Variants in ZNF519 observed in about 807,000 individuals in gnomAD.
ZNF519 encodes similar to Zinc finger protein 85 (Zinc finger protein HPF4) (HTF1).
ZNF519 carries 7 observed loss-of-function variants against 7.4 expected under a neutral mutation model. The observed-to-expected ratio is 0.94, with a 90% confidence interval of 0.54 to 1.77. ZNF519 has a LOEUF of 1.77. Ranked by LOEUF, ZNF519 falls within the 40% of genes most tolerant of loss-of-function variation. The pLI, the probability that ZNF519 is intolerant of heterozygous loss-of-function variation, is 0.00. For synonymous variants in ZNF519, 179 were observed against 203.3 expected (o/e 0.88, Z 1.02); for missense variants, 586 against 623.1 (o/e 0.94, Z 0.63).
At chr18:14,093,420 A>G (rs1381854663) in intron 2 of ZNF519, among the ~76,000 whole-genome samples, 1 of 152,214 alleles carries the variant, frequency 6.6e-6, no homozygotes, top group Non-Finnish European at 1.5e-5. Flanking sequence ...CTTACTACTT[A>G]ACCAGTGCCT....
intron 2 of ZNF519, among the ~76,000 whole-genome samples, chr18:14,119,251 A>G (rs1277010810): frequency 6.6e-6 from 1 of 152,202 alleles, no homozygotes; most frequent in Non-Finnish European, 1.5e-5. Context: ...GGAACCCAAC[A>G]AAAGGAGATC....
Position 14,087,732 on chromosome 18 carries a change from A to T in ZNF519, c.131-2656T>A, listed in dbSNP as rs544897536. ...TTAAATCGTATCATTTATGTACATC[A>T]CTTACTGATGTGCTTACATTTGAAA... On this transcript the variant is annotated intron_variant and NMD_transcript_variant, in intron 2 of 4. Transcript: ENST00000587419. 6.6e-5 allele frequency among the ~76,000 whole-genome samples: 10 copies of T among 152,330 alleles called. No homozygotes were observed. In the South Asian group the frequency reaches 1.0e-3, roughly 16 times the overall value.
At chr18:14,079,261 CAGA>C (rs2143076324) in intron 3 of ZNF519, among the ~76,000 whole-genome samples, 1 of 152,274 alleles carries the variant, frequency 6.6e-6, no homozygotes, top group Non-Finnish European at 1.5e-5. Flanking sequence ...TTGAAAAGAA[CAGA>C]AGAACTAAAC....
chr18:14,109,293 T>C (rs1216108973), intron 2 of ZNF519, among the ~76,000 whole-genome samples: 2 of 152,110 alleles, frequency 1.3e-5, no homozygotes, highest in East Asian at 1.9e-4. Flanking sequence ...ACTTTCAGCA[T>C]TGAATAAATC....
At chr18:14,088,755 ATTTC>A (rs1178340149) in intron 2 of ZNF519, among the ~76,000 whole-genome samples, 4 of 152,168 alleles carry the variant, frequency 2.6e-5, no homozygotes, top group African/African-American at 4.8e-5. Flanking sequence ...AATTACTTTA[ATTTC>A]TTTATTTTAA....
chr18:14,099,562 CCTGT>C (rs1427900071), downstream of ZNF519, among the ~76,000 whole-genome samples: 1 of 152,146 alleles, frequency 6.6e-6, no homozygotes, highest in Admixed American at 6.5e-5. Context: ...AAGTGCTCTT[CCTGT>C]CTAATAAGTG....
exon 5 of ZNF519, chr18:14,077,480 A>C (rs1178646247): frequency 6.6e-6 from 1 of 152,246 alleles, no homozygotes; most frequent in East Asian, 1.9e-4. Context: ...TATGGGTTCG[A>C]GATCTTGTGA....
At chr18:14,126,104 C>T (rs2046298109) in intron 1 of ZNF519, among the ~76,000 whole-genome samples, 3 of 152,124 alleles carry the variant, frequency 2.0e-5, no homozygotes, top group Admixed American at 6.5e-5. Context: ...GTAGTCACTC[C>T]AAACTCTGAT....
At chr18:14,130,386 T>C (rs2046323486) in intron 1 of ZNF519, among the ~76,000 whole-genome samples, 1 of 152,136 alleles carries the variant, frequency 6.6e-6, no homozygotes, top group African/African-American at 2.4e-5. Context: ...CTAATCTTAT[T>C]TGCTCTTTCC....
At chr18:14,071,813 A>C (rs1057435832), downstream of ZNF519, 1 of 152,194 alleles carries the variant, frequency 6.6e-6, no homozygotes, top group Non-Finnish European at 1.5e-5. Context: ...TACTAACTTT[A>C]TGGTGAAATC....
intron 3 of ZNF519, among the ~76,000 whole-genome samples, chr18:14,078,785 T>TAA (rs148481752): frequency 6.6e-6 from 1 of 151,920 alleles, no homozygotes; most frequent in Admixed American, 6.6e-5. Context: ...ATCAAATTAA[T>TAA]AAAAAAAATC....
Position 14,089,056 on chromosome 18 carries a change from C to T in ZNF519, c.131-3980G>A, listed in dbSNP as rs149415138. ...TTTCAAATAAAAGTTTTAATTTTTA[C>T]GAACATGAAAGAAGCAAAACTTACA... is the stretch of plus-strand genomic sequence containing the variant. On this transcript the variant is annotated intron_variant and NMD_transcript_variant, in intron 2 of 4. Coordinates refer to the ZNF519 transcript ENST00000587419. Among the ~76,000 whole-genome samples the T allele has an allele frequency of 1.4e-3, 219 of 151,870 alleles. 2 individuals carry two copies. Among genetic ancestry groups the T allele is most frequent in the African/African-American group, 4.9e-3 (203 of 41,392 alleles).
intron 2 of ZNF519, among the ~76,000 whole-genome samples, chr18:14,119,248 A>G (rs1048735775): frequency 6.6e-6 from 1 of 152,192 alleles, no homozygotes; most frequent in African/African-American, 2.4e-5. Context: ...CTGGGAACCC[A>G]ACAAAAGGAG....
chr18:14,082,887 T>C (rs1048300764), intron 3 of ZNF519: 8 of 152,092 alleles, frequency 5.3e-5, no homozygotes, highest in Non-Finnish European at 1.0e-4. Context: ...AGGGTCACAC[T>C]ATGTTGCCCA....
intron 3 of ZNF519, among the ~76,000 whole-genome samples, chr18:14,080,562 C>T (rs944503727): frequency 7.2e-5 from 11 of 152,016 alleles, no homozygotes; most frequent in African/African-American, 1.7e-4. Flanking sequence ...CCTCATGATG[C>T]GCCCGCCTTG....
downstream of ZNF519, among the ~76,000 whole-genome samples, chr18:14,095,355 T>C (rs943283860): frequency 3.3e-5 from 5 of 152,198 alleles, no homozygotes; most frequent in African/African-American, 1.2e-4. Flanking sequence ...GTGTTGTGCC[T>C]ACTTTTCTTT....
In ZNF519 at chr18:14,104,695, ATTAT is replaced by A. The variant is rs2046178687; in HGVS notation, c.*218_*221del. The A allele has an allele frequency of 2.2e-5, 9 of 413,560 alleles. No homozygotes were observed. The South Asian group carries it at 4.0e-4, about 18-fold the overall frequency. The allele number at this position is 413,560 out of a possible 1,614,324, so 25.6% of individuals were successfully genotyped here. ...AATTTAATTATCTAATTGAGTTTGAATTATTTGTTATAATAAACACACTGATTCA... is the reference window on the plus strand; with the variant it reads ...AATTTAATTATCTAATTGAGTTTGAATTGTTATAATAAACACACTGATTCA... On this transcript the variant is annotated 3_prime_UTR_variant, in exon 3 of 3. Transcript: ENST00000590202.
At chr18:14,082,737 C>T (rs1458170791) in intron 3 of ZNF519, 1 of 150,910 alleles carries the variant, frequency 6.6e-6, no homozygotes, top group Non-Finnish European at 1.5e-5. Flanking sequence ...CGATAATTAG[C>T]TCACTGAAGC....
chr18:14,101,544 A>G lies in ZNF519; in HGVS notation c.*3373T>C. ...AACAGACTCAGGGTCCCTTGGATTA[A>G]AACTGTGGGTCACTCAATAGGGAAA... On this transcript the variant is annotated 3_prime_UTR_variant, in exon 3 of 3. Transcript: ENST00000590202. The G allele has an allele frequency of 2.5e-6, 1 of 397,428 alleles. No homozygotes were observed. Among genetic ancestry groups the G allele is most frequent in the Non-Finnish European group, 4.4e-6 (1 of 225,750 alleles). The allele number at this position is 397,428 out of a possible 1,614,324, so 24.6% of individuals were successfully genotyped here. A position where few individuals can be genotyped will look rare whatever the true frequency, so the allele number is the denominator to read the frequency against.
Sources: allele counts gnomAD v4.1 joint callset (sites outside exome capture counted in the v4.1 genomes callset), GRCh38; gene constraint gnomAD v4.1.1; transcripts MANE v1.5; gene names NCBI Gene and HGNC (gene_info 2026-07-23, HGNC 2026-07-21).